AK8: variants seen among roughly 807,000 people sequenced by gnomAD.
The protein encoded by AK8 is ATP-AMP transphosphorylase 8.
Under a neutral mutation model 54.6 loss-of-function variants are expected in AK8, and 44 were observed. The ratio of observed to expected loss-of-function variants is 0.81; its 90% confidence interval spans 0.63 to 1.04. The LOEUF is 1.04. AK8 is among the 50% of genes least tolerant of loss of function. The probability of loss-of-function intolerance (pLI) is 0.00; values close to 1 mark genes in which losing one functional copy is unlikely to be tolerated. For synonymous variants in AK8, 239 were observed against 245.6 expected, an observed-to-expected ratio of 0.97 and a Z score of 0.25; for missense variants, 555 against 613.6, an observed-to-expected ratio of 0.90 and a Z score of 1.01.
rs183531138 is a variant in AK8 at position 132,850,458 on chromosome 9, G to A, written c.402+4399C>T. On this transcript the variant is annotated intron_variant, in intron 5 of 12. Coordinates refer to ENST00000298545, the MANE Select transcript of AK8 (RefSeq NM_152572.3). ...GTCACCCAGGCTGGAGTGCAGTGGC[G>A]TGATGTTGGCTCACTGCAACCTCTG... is the stretch of plus-strand genomic sequence containing the variant. Among the ~76,000 whole-genome samples the A allele has an allele frequency of 8.3e-3, 1,222 of 147,170 alleles. 9 individuals are homozygous for A. Among genetic ancestry groups the A allele is most frequent in the Non-Finnish European group, 0.013 (851 of 67,348 alleles).
intron 11 of AK8, among the ~76,000 whole-genome samples, chr9:132,736,784 C>CAAAAAAAAAAAAAAAAAA (rs201150328): frequency 3.0e-5 from 2 of 66,240 alleles, no homozygotes; most frequent in Non-Finnish European, 5.6e-5. Context: ...GAATCCATCT[C>CAAAAAAAAAAAAAAAAAA]AAAAAAAAAA....
At chr9:132,850,930 T>G (rs1842949367) in intron 5 of AK8, among the ~76,000 whole-genome samples, 1 of 150,078 alleles carries the variant, frequency 6.7e-6, no homozygotes, top group Non-Finnish European at 1.5e-5. Flanking sequence ...CAAGTTCTGA[T>G]TCTGGGAGAC....
chr9:132,764,321 A>C (rs1323944315), intron 11 of AK8, among the ~76,000 whole-genome samples: 5 of 152,206 alleles, frequency 3.3e-5, no homozygotes, highest in African/African-American at 9.6e-5. Flanking sequence ...AAAACACAAA[A>C]ACAAAAACAA....
chr9:132,846,494 T>C (rs987086562), intron 5 of AK8, among the ~76,000 whole-genome samples: 20 of 150,094 alleles, frequency 1.3e-4, no homozygotes, highest in African/African-American at 4.2e-4. Context: ...ATTTGTTGCA[T>C]GAGAGAATAG....
chr9:132,760,549 T>G (rs891044572), intron 11 of AK8, among the ~76,000 whole-genome samples: 2 of 152,184 alleles, frequency 1.3e-5, no homozygotes, highest in African/African-American at 4.8e-5. Context: ...TGACTTTTGG[T>G]CCTTCCATCC....
intron 10 of AK8, among the ~76,000 whole-genome samples, chr9:132,793,677 G>T (rs1212985453): frequency 1.3e-5 from 2 of 152,216 alleles, no homozygotes; most frequent in Non-Finnish European, 2.9e-5. Flanking sequence ...TGCGGCAATT[G>T]ACATTTTCCT....
intron 11 of AK8, among the ~76,000 whole-genome samples, chr9:132,778,242 AC>A (rs1258978269): frequency 1.3e-5 from 2 of 152,114 alleles, no homozygotes; most frequent in African/African-American, 4.8e-5. Flanking sequence ...AGGCAGGGTC[AC>A]CCGGGTTCTA....
chr9:132,866,864 A>C, intron 3 of AK8, 40 bp downstream of exon 3: 2 of 1,594,702 alleles, frequency 1.3e-6, no homozygotes, highest in Non-Finnish European at 1.7e-6. Flanking sequence ...AGGATCAATG[A>C]GATATTACAG....
chr9:132,858,436 C>T (rs990565938), intron 4 of AK8, among the ~76,000 whole-genome samples: 15 of 152,240 alleles, frequency 9.9e-5, no homozygotes, highest in African/African-American at 3.6e-4. Flanking sequence ...ATCTCCAGGC[C>T]CCACTCTCAG....
chr9:132,793,063 T>C (rs977411807), intron 10 of AK8, among the ~76,000 whole-genome samples: 4 of 103,560 alleles, frequency 3.9e-5, no homozygotes, highest in Non-Finnish European at 9.9e-5. Context: ...GTGAGCAGAT[T>C]GTCCCCCTGT....
At chr9:132,866,095 G>A (rs1843585798) in intron 3 of AK8, among the ~76,000 whole-genome samples, 1 of 152,114 alleles carries the variant, frequency 6.6e-6, no homozygotes, top group Admixed American at 6.5e-5. Flanking sequence ...CTACTCGGGA[G>A]GCTGAGGCAT....
intron 5 of AK8, among the ~76,000 whole-genome samples, chr9:132,847,313 T>C (rs1277439484): frequency 6.6e-6 from 1 of 152,162 alleles, no homozygotes; most frequent in Admixed American, 6.5e-5. Context: ...AGACAGACCG[T>C]GGCGCCATCT....
At chr9:132,831,635 C>T (rs1211241381) in intron 5 of AK8, among the ~76,000 whole-genome samples, 5 of 152,236 alleles carry the variant, frequency 3.3e-5, no homozygotes, top group Admixed American at 3.3e-4. Flanking sequence ...CTGGGAGACT[C>T]AGTTGCTCTA....
chr9:132,828,012 C>A lies in AK8; in HGVS notation c.556+1G>T. 1 of 1,562,556 alleles carries A rather than the reference C, an allele frequency of 6.4e-7. No individual in the cohort carries two copies. The highest frequency in any genetic ancestry group is 2.4e-5 in the East Asian group (1 of 42,262). On this transcript the variant is annotated splice_donor_variant, in intron 7 of 12. Transcript: ENST00000298545. LOFTEE classifies it high-confidence loss of function. Reference sequence around the variant, plus strand: ...CTGGGTGGGGGTGGCCGTAGCCATACCTCCAGTTTGAGGGTCGATTCTCTT... The same window carrying A: ...CTGGGTGGGGGTGGCCGTAGCCATAACTCCAGTTTGAGGGTCGATTCTCTT...
At chr9:132,808,584 A>C (rs1381069166) in intron 10 of AK8, among the ~76,000 whole-genome samples, 1 of 152,246 alleles carries the variant, frequency 6.6e-6, no homozygotes, top group Non-Finnish European at 1.5e-5. Flanking sequence ...AAGTCTGCAG[A>C]GGTCACGGCT....
chr9:132,798,340 C>T (rs976439433), intron 10 of AK8, among the ~76,000 whole-genome samples: 5 of 152,196 alleles, frequency 3.3e-5, no homozygotes, highest in African/African-American at 7.2e-5. Flanking sequence ...TATGGACTCA[C>T]GTTTCCAGCC....
At chr9:132,829,920 T>C (rs550095776) in intron 5 of AK8, among the ~76,000 whole-genome samples, 33 of 152,268 alleles carry the variant, frequency 2.2e-4, no homozygotes, top group East Asian at 5.8e-4. Context: ...GTGGAAAATA[T>C]TGAAAAGCTG....
intron 10 of AK8, among the ~76,000 whole-genome samples, chr9:132,812,545 C>CAG (rs200127498): frequency 8.8e-4 from 89 of 101,534 alleles, no homozygotes; most frequent in Non-Finnish European, 1.5e-3. Context: ...ACTGGGATGA[C>CAG]GGGTGAGCCG....
chr9:132,865,210 G>A (rs756628800), intron 3 of AK8, among the ~76,000 whole-genome samples: 2 of 152,184 alleles, frequency 1.3e-5, no homozygotes, highest in African/African-American at 2.4e-5. Context: ...CTGATATGGA[G>A]GAATCTAATA....
Sources: gnomAD v4.1 joint callset for allele counts (sites outside exome capture counted in the v4.1 genomes callset) on GRCh38, gnomAD v4.1.1 for gene constraint, MANE v1.5 for transcripts, NCBI Gene and HGNC (gene_info 2026-07-23, HGNC 2026-07-21) for gene names.